LDLRAP1: variants seen among roughly 807,000 people sequenced by gnomAD.
The protein encoded by LDLRAP1 is low density lipoprotein receptor adaptor protein 1, also known as low density lipoprotein receptor adapter protein 1.
In LDLRAP1, 30 loss-of-function variants were observed where a neutral mutation model predicts 37.8. The ratio of observed to expected loss-of-function variants is 0.79; its 90% CI spans 0.59 to 1.08. The LOEUF is 1.08. LDLRAP1 is among the 50% of genes least tolerant of loss of function. The pLI, the probability that LDLRAP1 is intolerant of heterozygous loss-of-function variation, is 0.00. For missense variants in LDLRAP1, 375 were observed against 401.6 expected, an observed-to-expected ratio of 0.93 and a Z score of 0.57; for synonymous variants, 156 against 169.8, an observed-to-expected ratio of 0.92 and a Z score of 0.63.
At chr1:25,560,799 G>A (rs1053305180) in intron 4 of LDLRAP1, among the ~76,000 whole-genome samples, 7 of 152,240 alleles carry the variant, frequency 4.6e-5, no homozygotes, top group Non-Finnish European at 7.3e-5. Context: ...AGGCAGACCC[G>A]AAGGCCAGAG....
At chr1:25,586,518 G>A in the LDLRAP1 span, among the ~76,000 whole-genome samples, 2 of 151,960 alleles carry the variant, frequency 1.3e-5, no homozygotes, top group Admixed American at 1.3e-4. The surrounding 1 kb of genome is among the most constrained non-coding windows in gnomAD (Gnocchi z 4.3). Flanking sequence ...ACATGTGTGT[G>A]TGCCTACATG....
At chr1:25,590,052 A>G in the LDLRAP1 span, 1 of 152,428 alleles carries the variant, frequency 6.6e-6, no homozygotes, top group Non-Finnish European at 1.5e-5. Flanking sequence ...GCAGTGAGCC[A>G]AGATTGTGCC....
intron 1 of LDLRAP1, among the ~76,000 whole-genome samples, chr1:25,546,649 G>A (rs2043940355): frequency 6.6e-6 from 1 of 152,170 alleles, no homozygotes; most frequent in Non-Finnish European, 1.5e-5. Flanking sequence ...GTTATTTTGT[G>A]GGTTGTGCTT....
the LDLRAP1 span, among the ~76,000 whole-genome samples, chr1:25,583,623 T>C: frequency 1.3e-5 from 2 of 152,358 alleles, no homozygotes; most frequent in Non-Finnish European, 2.9e-5. Context: ...AGTTTGGTGC[T>C]TGACATAAAT....
rs144233736 is a variant in LDLRAP1, at chr1:25,548,658, A to G, written c.88+4872A>G. On this transcript the variant is annotated intron_variant, in intron 1 of 8. Transcript: ENST00000374338. ...GCTACCACGCCTGGCTGAGGTGGAT[A>G]CTCCTATTGTCCCTGTTATTTATTT... Among the ~76,000 whole-genome samples, 25 of 150,912 alleles carry G rather than the reference A, an allele frequency of 1.7e-4. 1 individual carries two copies. The highest frequency in any genetic ancestry group is 5.1e-4 in the African/African-American group (21 of 41,020).
Position 25,555,947 on chromosome 1 carries a change from T to TG in LDLRAP1, c.344+979dup, listed in dbSNP as rs999751625. On this transcript the variant is annotated intron_variant, in intron 3 of 8. Coordinates refer to ENST00000374338, the MANE Select transcript of LDLRAP1 (RefSeq NM_015627.3). The surrounding 1 kb of genome is among the most constrained non-coding windows in gnomAD (Gnocchi z 4.7). Reference sequence around the variant, plus strand: ...CAAAAAGGCAAGGAGGAGATCTGCCTGGGGAAATCCCGGAAGGCCTCCCAG... The same window carrying TG: ...CAAAAAGGCAAGGAGGAGATCTGCCTGGGGGAAATCCCGGAAGGCCTCCCAG... Among the ~76,000 whole-genome samples the TG allele has an allele frequency of 3.3e-5, 5 of 152,124 alleles. No individual in the cohort carries two copies. Among genetic ancestry groups the TG allele is most frequent in the Non-Finnish European group, 7.4e-5 (5 of 68,024 alleles).
At chr1:25,583,915 G>A in the LDLRAP1 span, among the ~76,000 whole-genome samples, 4 of 152,168 alleles carry the variant, frequency 2.6e-5, no homozygotes, top group South Asian at 4.2e-4. Flanking sequence ...GGCTTCTCTC[G>A]CTCTGTGGGA....
intron 4 of LDLRAP1, among the ~76,000 whole-genome samples, chr1:25,559,128 A>T (rs1376703016): frequency 6.6e-6 from 1 of 152,170 alleles, no homozygotes; most frequent in Non-Finnish European, 1.5e-5. Context: ...TTGCTGTGGC[A>T]TCTCCTGTGA....
intron 1 of LDLRAP1, among the ~76,000 whole-genome samples, chr1:25,551,853 C>T (rs2044078492): frequency 6.6e-6 from 1 of 152,032 alleles, no homozygotes; most frequent in Admixed American, 6.6e-5. Context: ...TTGTCCTCGT[C>T]ATTTCTTCCT....
At chr1:25,579,228 G>A in the LDLRAP1 span, among the ~76,000 whole-genome samples, 1 of 152,186 alleles carries the variant, frequency 6.6e-6, no homozygotes, top group African/African-American at 2.4e-5. Flanking sequence ...CACCCCACTC[G>A]ATGAGGCCAG....
rs138908999 is a variant in LDLRAP1 at position 25,553,947 on chromosome 1, G to C, written c.114G>C (p.Thr38=). The part of the protein sequence containing the change: ...HRKLPENWTD[T]RETLLEGMLF... ...AGCTGCCTGAGAACTGGACAGACAC[G>C]CGGGAGACGCTGCTGGAGGGGATGC... The change falls in exon 2 of 9, where the codon ACG becomes ACC. Residue 38 remains threonine, a synonymous_variant. Coordinates refer to ENST00000374338, the MANE Select transcript of LDLRAP1 (RefSeq NM_015627.3). 53 of 1,613,960 alleles carry C rather than the reference G, an allele frequency of 3.3e-5. 1 individual carries two copies. The African/African-American group carries it at 4.5e-4, about 14-fold the overall frequency.
chr1:25,552,973 C>T (rs1278019465), intron 1 of LDLRAP1, among the ~76,000 whole-genome samples: 1 of 152,174 alleles, frequency 6.6e-6, no homozygotes, highest in African/African-American at 2.4e-5. Context: ...TAGGACCATC[C>T]AGGGGGTGGG....
intron 1 of LDLRAP1, among the ~76,000 whole-genome samples, chr1:25,547,485 A>T (rs2043962726): frequency 7.6e-6 from 1 of 131,442 alleles, no homozygotes; most frequent in South Asian, 2.3e-4. Flanking sequence ...TTTGTCTCAA[A>T]TAATAAATAA....
chr1:25,548,419 C>T (rs1343568594), intron 1 of LDLRAP1, among the ~76,000 whole-genome samples: 2 of 140,488 alleles, frequency 1.4e-5, no homozygotes, highest in Non-Finnish European at 3.0e-5. Flanking sequence ...GGGATCTTGG[C>T]TCAGTGCAAC....
chr1:25,545,067 C>T (rs762289367), intron 1 of LDLRAP1, among the ~76,000 whole-genome samples: 4 of 152,200 alleles, frequency 2.6e-5, no homozygotes, highest in African/African-American at 4.8e-5. Context: ...GTCAGAGACC[C>T]ATTAGGGCTG....
chr1:25,543,950 G>C (rs1310117272), intron 1 of LDLRAP1, among the ~76,000 whole-genome samples, 164 bp downstream of exon 1: 1 of 152,042 alleles, frequency 6.6e-6, no homozygotes, highest in Non-Finnish European at 1.5e-5. Flanking sequence ...GGGTCGGCCG[G>C]GGTCAAGTTG....
intron 1 of LDLRAP1, 51 bp downstream of exon 1, chr1:25,543,837 CG>C: frequency 8.7e-7 from 1 of 1,145,174 alleles, no homozygotes; most frequent in Non-Finnish European, 1.1e-6. Flanking sequence ...CAGAGGCGCG[CG>C]GGGCCTCCGC....
the LDLRAP1 span, among the ~76,000 whole-genome samples, chr1:25,579,001 G>A: frequency 2.0e-5 from 3 of 152,196 alleles, no homozygotes; most frequent in Non-Finnish European, 4.4e-5. Context: ...CGTGACCCAT[G>A]CTACCCCTTC....
intron 1 of LDLRAP1, among the ~76,000 whole-genome samples, chr1:25,546,667 G>A (rs1320010587): frequency 1.3e-5 from 2 of 152,200 alleles, no homozygotes; most frequent in East Asian, 1.9e-4. Flanking sequence ...CTTACCCAGA[G>A]AGAAGGGGTG....
Sources: gnomAD v4.1 joint callset for allele counts (sites outside exome capture counted in the v4.1 genomes callset) on GRCh38, gnomAD v4.1.1 for gene constraint, Gnocchi (gnomAD v3.1) non-coding constraint, MANE v1.5 for transcripts, NCBI Gene and HGNC (gene_info 2026-07-23, HGNC 2026-07-21) for gene names.